The following PPP2R5C variants were observed in gnomAD, a reference collection of about 807,000 sequenced individuals.
The protein encoded by PPP2R5C is serine/threonine-protein phosphatase 2A 56 kDa regulatory subunit gamma isoform.
PPP2R5C carries 7 observed loss-of-function variants against 68.9 expected under a neutral mutation model. The ratio of observed to expected loss-of-function variants is 0.10; its 90% CI spans 0.06 to 0.19. The LOEUF (loss-of-function observed/expected upper bound fraction) is 0.19, where lower values mean the gene tolerates loss of function less well. PPP2R5C is among the 10% of genes least tolerant of loss of function. PPP2R5C has a pLI of 1.00. For missense variants in PPP2R5C, 348 were observed against 641.3 expected (o/e 0.54, Z 4.94); for synonymous variants, 210 against 222.2 (o/e 0.95, Z 0.49).
At chr14:101,776,677 G>A (rs1350795990) in intron 2 of PPP2R5C, among the ~76,000 whole-genome samples, 1 of 151,964 alleles carries the variant, frequency 6.6e-6, no homozygotes, top group African/African-American at 2.4e-5. Context: ...CTAAAAGGAA[G>A]CCCCATTCCC....
In PPP2R5C at chr14:101,843,004, T is replaced by C. The variant is rs1039343430; in HGVS notation, c.95-13682T>C. The stretch of plus-strand genomic sequence containing the variant: ...ACTTTGGTAGGCCAGAGGGGAAAGA[T>C]TGATTGAGCCCAGGAGTTCAAGACC... On this transcript the variant is annotated intron_variant, in intron 1 of 13. Coordinates refer to ENST00000334743, the Ensembl canonical transcript of PPP2R5C. 3.9e-5 allele frequency among the ~76,000 whole-genome samples: 6 copies of C among 151,958 alleles called. No homozygotes were observed. In the South Asian group the frequency reaches 8.3e-4, roughly 21 times the overall value.
chr14:101,900,419 G>A (rs2045610599), intron 8 of PPP2R5C, among the ~76,000 whole-genome samples: 2 of 152,220 alleles, frequency 1.3e-5, no homozygotes, highest in African/African-American at 4.8e-5. Flanking sequence ...AGGCGGTCCC[G>A]GGGGCCAGCA....
chr14:101,891,040 G>A lies in PPP2R5C; in HGVS notation c.689+744G>A, dbSNP rs1332513884. The stretch of plus-strand genomic sequence containing the variant: ...TGCCCGCCTCACCTCCCAAAGTGCT[G>A]AGATTACAGGCATGAGCCACCACGC... On this transcript the variant is annotated intron_variant, in intron 6 of 13. Transcript: ENST00000334743. The surrounding 1 kb of genome is among the most constrained non-coding windows in gnomAD (Gnocchi z 4.9). 1.3e-5 allele frequency among the ~76,000 whole-genome samples: 2 copies of A among 152,122 alleles called. No individual in the cohort carries two copies. Among genetic ancestry groups the A allele is most frequent in the Non-Finnish European group, 1.5e-5 (1 of 68,022 alleles).
intron 1 of PPP2R5C, chr14:101,836,238 C>T (rs1482678979): frequency 8.5e-6 from 6 of 702,786 alleles, no homozygotes; most frequent in South Asian, 1.5e-5. Flanking sequence ...CAGCTGTGGC[C>T]GCCTACGGAG....
chr14:101,762,970 G>A (rs2036632605), exon 2 of PPP2R5C: 3 of 1,569,712 alleles, frequency 1.9e-6, no homozygotes, highest in Non-Finnish European at 2.6e-6. Flanking sequence ...TAGAATCAGA[G>A]GTAACTGTCA....
chr14:101,778,263 G>T (rs1439509275), intron 2 of PPP2R5C, among the ~76,000 whole-genome samples: 6 of 151,612 alleles, frequency 4.0e-5, no homozygotes, highest in Non-Finnish European at 8.8e-5. Context: ...TTTTTTAATC[G>T]GGTTTTCTTT....
At chr14:101,792,955 G>A (rs550699820) in intron 3 of PPP2R5C, among the ~76,000 whole-genome samples, 6 of 150,958 alleles carry the variant, frequency 4.0e-5, no homozygotes, top group Non-Finnish European at 4.4e-5. Context: ...TTGGCTCCCT[G>A]CAGCCTCCGC....
intron 1 of PPP2R5C, among the ~76,000 whole-genome samples, chr14:101,812,071 A>T (rs2039394821): frequency 1.3e-5 from 2 of 152,332 alleles, no homozygotes; most frequent in African/African-American, 4.8e-5. Flanking sequence ...TAACTTCAAA[A>T]TTTGAAGAAC....
chr14:101,781,452 G>A lies in PPP2R5C; in HGVS notation c.94-4566G>A, dbSNP rs2037683309. On this transcript the variant is annotated intron_variant, in intron 2 of 14. Coordinates refer to the PPP2R5C transcript ENST00000328724. This position sits in a 1 kb window ranked among gnomAD's most constrained non-coding sequence, Gnocchi z 6.4. ...GCTCGACCTCACTCCTGTTGTCGCT[G>A]CAGACCCGCGTGGGCTCCCGCCGGG... 6.6e-6 allele frequency among the ~76,000 whole-genome samples: 1 copy of A among 152,116 alleles called. No individual in the cohort carries two copies. The highest frequency in any genetic ancestry group is 2.1e-4 in the South Asian group (1 of 4,824).
At chr14:101,856,712 C>A (rs769163534) in exon 2 of PPP2R5C, 2 of 1,614,124 alleles carry the variant, frequency 1.2e-6, no homozygotes, top group South Asian at 2.2e-5. Flanking sequence ...TCAAGAGAAG[C>A]TTTTTATCCA....
At position 101,879,677 on chromosome 14, in the gene PPP2R5C, C is replaced by T. The variant is rs2044029549; in HGVS notation, c.295-2484C>T. 6.6e-6 allele frequency among the ~76,000 whole-genome samples: 1 copy of T among 152,202 alleles called. No individual in the cohort carries two copies. Among genetic ancestry groups the T allele is most frequent in the African/African-American group, 2.4e-5 (1 of 41,438 alleles). ...CTCTAACCCACCGAAGAACAAAGTG[C>T]CATCTCCCTTTCCTGAAGGTGACCC... On this transcript the variant is annotated intron_variant, in intron 2 of 13. Coordinates refer to ENST00000334743, the Ensembl canonical transcript of PPP2R5C. The surrounding 1 kb of genome is among the most constrained non-coding windows in gnomAD (Gnocchi z 4.2).
At chr14:101,816,887 A>G (rs2039719832) in intron 1 of PPP2R5C, among the ~76,000 whole-genome samples, 2 of 130,638 alleles carry the variant, frequency 1.5e-5, no homozygotes, top group African/African-American at 3.2e-5. Context: ...TATATTATAT[A>G]TATATTATAT....
At chr14:101,925,166 G>A in exon 14 of PPP2R5C, 2 of 1,614,076 alleles carry the variant, frequency 1.2e-6, no homozygotes, top group African/African-American at 2.7e-5. Flanking sequence ...AAGAAGGACC[G>A]TCCTCTTGCA....
At chr14:101,860,847 G>T (rs908896128) in intron 2 of PPP2R5C, among the ~76,000 whole-genome samples, 1 of 152,116 alleles carries the variant, frequency 6.6e-6, no homozygotes, top group East Asian at 1.9e-4. Flanking sequence ...TAATGGAAAC[G>T]TCCTGATCAT....
rs2069608447 is a variant in PPP2R5C, at chr14:101,913,822, C to T, written c.1326+1349C>T. Among the ~76,000 whole-genome samples the T allele has an allele frequency of 6.6e-6, 1 of 152,016 alleles. No homozygotes were observed. Among genetic ancestry groups the T allele is most frequent in the South Asian group, 2.1e-4 (1 of 4,818 alleles). On this transcript the variant is annotated intron_variant, in intron 12 of 13. Transcript: ENST00000334743. The surrounding 1 kb of genome is among the most constrained non-coding windows in gnomAD (Gnocchi z 4.1). ...GATAGCCCTCAGGATTGTCAAGGAC[C>T]CCAGTACACATGCAGTTGAAATCAG...
intron 2 of PPP2R5C, among the ~76,000 whole-genome samples, chr14:101,875,029 C>T (rs915599035): frequency 8.5e-5 from 13 of 152,194 alleles, no homozygotes; most frequent in Non-Finnish European, 1.5e-4. Context: ...GGTGAGCCAC[C>T]GCGCCTAGCC....
intron 1 of PPP2R5C, among the ~76,000 whole-genome samples, chr14:101,847,664 T>C (rs1301978940): frequency 1.1e-5 from 1 of 88,898 alleles, no homozygotes; most frequent in African/African-American, 5.4e-5. Context: ...GGGGCTGCTC[T>C]TTTTTTTTTT....
intron 1 of PPP2R5C, among the ~76,000 whole-genome samples, chr14:101,815,277 C>G (rs1414751572): frequency 6.6e-6 from 1 of 152,288 alleles, no homozygotes; most frequent in Middle Eastern, 3.4e-3. Flanking sequence ...CTGCAGACAT[C>G]AGAGTGTTGA....
chr14:101,870,700 C>T (rs1449938280), intron 2 of PPP2R5C, among the ~76,000 whole-genome samples: 2 of 152,206 alleles, frequency 1.3e-5, no homozygotes, highest in East Asian at 1.9e-4. Flanking sequence ...CAGGGGTTTA[C>T]TGCATGCAGT....
Sources: gnomAD v4.1 joint callset for allele counts (sites outside exome capture counted in the v4.1 genomes callset) on GRCh38, gnomAD v4.1.1 for gene constraint, Gnocchi (gnomAD v3.1) non-coding constraint, MANE v1.5 for transcripts, NCBI Gene and HGNC (gene_info 2026-07-23, HGNC 2026-07-21) for gene names.